The following SMG6 variants were observed in gnomAD, a reference collection of about 807,000 sequenced individuals.
SMG6 encodes telomerase-binding protein EST1A.
SMG6 carries 66 observed loss-of-function variants against 142.2 expected under a neutral mutation model. That is an observed-to-expected ratio of 0.46 (90% CI 0.38 to 0.57). SMG6 has a LOEUF of 0.57. Ranked by LOEUF, SMG6 falls within the 20% of genes least tolerant of loss-of-function variation. The pLI is 0.00. For synonymous variants in SMG6, 779 were observed against 702.4 expected (o/e 1.11, Z -1.72); for missense variants, 1,793 against 1,832.0 (o/e 0.98, Z 0.39).
chr17:2,258,523 C>T (rs1249520944), intron 8 of SMG6, among the ~76,000 whole-genome samples: 1 of 149,178 alleles, frequency 6.7e-6, no homozygotes, highest in South Asian at 2.1e-4. Flanking sequence ...CACCACTGCA[C>T]TCCAGGCTAG....
At chr17:2,113,813 C>T (rs1356801220) in intron 13 of SMG6, among the ~76,000 whole-genome samples, 1 of 152,190 alleles carries the variant, frequency 6.6e-6, no homozygotes, top group African/African-American at 2.4e-5. Context: ...AAATTATCTC[C>T]TCCTGAGTGT....
At chr17:2,231,616 G>A (rs2073496496) in intron 10 of SMG6, among the ~76,000 whole-genome samples, 1 of 152,100 alleles carries the variant, frequency 6.6e-6, no homozygotes, top group African/African-American at 2.4e-5. Flanking sequence ...AGAACTGCTT[G>A]AACCCGGGAG....
At chr17:2,167,542 G>A (rs1426699620) in intron 13 of SMG6, among the ~76,000 whole-genome samples, 1 of 152,176 alleles carries the variant, frequency 6.6e-6, no homozygotes, top group Non-Finnish European at 1.5e-5. Flanking sequence ...CTTGAAGCAC[G>A]CCTTCACCGG....
chr17:2,220,467 C>CA (rs1277265639), intron 10 of SMG6, among the ~76,000 whole-genome samples: 2 of 151,912 alleles, frequency 1.3e-5, no homozygotes, highest in Non-Finnish European at 1.5e-5. Flanking sequence ...CCTGTCTCCA[C>CA]AAAAAATAAA....
chr17:2,064,215 TGA>T (rs1215689229), intron 18 of SMG6, among the ~76,000 whole-genome samples: 1 of 152,024 alleles, frequency 6.6e-6, no homozygotes, highest in Non-Finnish European at 1.5e-5. Flanking sequence ...AACGAAACGG[TGA>T]GAACTGCCAG....
rs754153990 is a variant in SMG6, at chr17:2,300,621, G to A, written c.132C>T (p.Asn44=). 2 of 1,607,940 alleles carry A rather than the reference G, an allele frequency of 1.2e-6. No individual in the cohort carries two copies. The highest frequency in any genetic ancestry group is 1.1e-5 in the South Asian group (1 of 90,062). The part of the protein sequence containing the change: ...ELKEARPRKD[N]RRPDLEIYKP... ...TATAGATTTCCAGATCTGGACGCCT[G>A]TTATCTTTGCGCGGCCTGGCCTCCT... Residue 44 remains asparagine (N), a synonymous_variant, in exon 2 of 19, where the codon AAC becomes AAT. Coordinates refer to ENST00000263073, the MANE Select transcript of SMG6 (RefSeq NM_017575.5).
chr17:2,269,461 A>ATT (rs2074500485), intron 8 of SMG6, among the ~76,000 whole-genome samples: 1 of 148,080 alleles, frequency 6.8e-6, no homozygotes, highest in Non-Finnish European at 1.5e-5. Context: ...TATACATTAA[A>ATT]AAAAAAAAAA....
chr17:2,289,437 G>C lies in SMG6; in HGVS notation c.2337+3115C>G, dbSNP rs544137377. Among the ~76,000 whole-genome samples, 5 of 151,940 alleles carry C rather than the reference G, an allele frequency of 3.3e-5. No individual in the cohort carries two copies. In the South Asian group the frequency reaches 8.3e-4, roughly 25 times the overall value. On this transcript the variant is annotated intron_variant, in intron 6 of 18. Coordinates refer to ENST00000263073, the MANE Select transcript of SMG6 (RefSeq NM_017575.5). ...CTGGGTATGATGGTGAGTGCCTGTA[G>C]TCCCAGCTAATCAGGAGGCTAAGGC...
intron 6 of SMG6, 41 bp downstream of exon 6, chr17:2,292,511 T>C (rs984095236): frequency 6.3e-7 from 1 of 1,588,026 alleles, no homozygotes; most frequent in Non-Finnish European, 8.6e-7. Context: ...TGTAAGATAC[T>C]TCCTGCAAAG....
At chr17:2,081,684 TAG>T in intron 15 of SMG6, 124 bp downstream of exon 15, 4 of 1,156,352 alleles carry the variant, frequency 3.5e-6, no homozygotes, top group Non-Finnish European at 5.0e-6. Flanking sequence ...CGGGTAGAGC[TAG>T]AGAGAACACT....
intron 6 of SMG6, among the ~76,000 whole-genome samples, chr17:2,291,155 C>T (rs1276805080): frequency 5.9e-5 from 9 of 152,074 alleles, no homozygotes; most frequent in Non-Finnish European, 1.3e-4. Flanking sequence ...CACAATGAAA[C>T]CCCGTCTCTA....
At chr17:2,117,967 G>GCACACTGGCTCATGTCTGTAATT (rs1205971694) in intron 13 of SMG6, among the ~76,000 whole-genome samples, 1 of 152,184 alleles carries the variant, frequency 6.6e-6, no homozygotes, top group Admixed American at 6.5e-5. Flanking sequence ...TGAAGACCAG[G>GCACACTGGCTCATGTCTGTAATT]CACACTGGCT....
chr17:2,286,702 T>A (rs1337479688), intron 6 of SMG6, among the ~76,000 whole-genome samples: 1 of 152,116 alleles, frequency 6.6e-6, no homozygotes, highest in Admixed American at 6.6e-5. Flanking sequence ...GGTAATGGTT[T>A]CATAGCTATG....
rs57898779 is a variant in SMG6 at position 2,167,131 on chromosome 17, C to CAAAAAAAAAAA, written c.3357+5516_3357+5526dup. Among the ~76,000 whole-genome samples the CAAAAAAAAAAA allele has an allele frequency of 8.4e-4, 30 of 35,702 alleles. 1 individual carries two copies. The highest frequency in any genetic ancestry group is 1.1e-3 in the Non-Finnish European group (25 of 23,284). The allele number at this position is 35,702 out of a possible 152,430, so 23.4% of individuals were successfully genotyped here. On this transcript the variant is annotated intron_variant, in intron 13 of 18. Coordinates refer to ENST00000263073, the MANE Select transcript of SMG6 (RefSeq NM_017575.5). Reference sequence around the variant, plus strand: ...TGGGCGACAGAGTAGGACTCCATCTCAAAAAAAAAAAAAAAAAAAAAAAAA... The same window carrying CAAAAAAAAAAA: ...TGGGCGACAGAGTAGGACTCCATCTCAAAAAAAAAAAAAAAAAAAAAAAAAAAAAAAAAAAA...
At chr17:2,108,763 G>A (rs185578270) in intron 13 of SMG6, among the ~76,000 whole-genome samples, 3 of 152,206 alleles carry the variant, frequency 2.0e-5, no homozygotes, top group Admixed American at 6.5e-5. Context: ...CCAATACAGC[G>A]AAGACCCGTC....
intron 15 of SMG6, among the ~76,000 whole-genome samples, chr17:2,078,532 C>G (rs2151421660): frequency 6.6e-6 from 1 of 152,118 alleles, no homozygotes; most frequent in African/African-American, 2.4e-5. Context: ...CCACAACACT[C>G]AGCTAGTTTT....
intron 8 of SMG6, among the ~76,000 whole-genome samples, chr17:2,266,624 ACT>A (rs1280441523): frequency 6.6e-6 from 1 of 152,122 alleles, no homozygotes; most frequent in African/African-American, 2.4e-5. Flanking sequence ...GCACCCTGGC[ACT>A]CTGTTTCTTC....
At chr17:2,103,506 C>T (rs190836304) in intron 13 of SMG6, among the ~76,000 whole-genome samples, 8 of 152,242 alleles carry the variant, frequency 5.3e-5, no homozygotes, top group South Asian at 2.1e-4. Flanking sequence ...AGCTACAGAG[C>T]GGAAAATTTC....
intron 13 of SMG6, among the ~76,000 whole-genome samples, chr17:2,096,220 T>C (rs768908087): frequency 6.6e-6 from 1 of 152,156 alleles, no homozygotes; most frequent in Non-Finnish European, 1.5e-5. Context: ...TAATTATTTA[T>C]TGAGACAGAG....
Sources: allele counts gnomAD v4.1 joint callset (sites outside exome capture counted in the v4.1 genomes callset), GRCh38; gene constraint gnomAD v4.1.1; transcripts MANE v1.5; gene names NCBI Gene and HGNC (gene_info 2026-07-23, HGNC 2026-07-21).